Variants in IMMP2L observed in about 807,000 individuals in gnomAD.
IMMP2L encodes the protein mitochondrial inner membrane protease subunit 2.
A neutral mutation model predicts 19.3 loss-of-function variants in IMMP2L; 18 were observed. The observed-to-expected ratio is 0.93, with a 90% CI of 0.64 to 1.38. The LOEUF (loss-of-function observed/expected upper bound fraction) is 1.38. IMMP2L is among the 40% of genes most tolerant of loss of function. The probability of loss-of-function intolerance (pLI) is 0.00; values close to 1 mark genes in which losing one functional copy is unlikely to be tolerated. For synonymous variants in IMMP2L, 76 were observed against 73.0 expected (o/e 1.04, Z -0.21); for missense variants, 233 against 218.2 (o/e 1.07, Z -0.43).
intron 5 of IMMP2L, among the ~76,000 whole-genome samples, chr7:110,792,118 T>A (rs7787197): frequency 0.82 from 123,669 of 151,668 alleles, 51,548 homozygotes; most frequent in East Asian, 0.9. Flanking sequence ...ATTCCTTATA[T>A]ACATGAATGA....
intron 3 of IMMP2L, among the ~76,000 whole-genome samples, chr7:111,205,203 A>G (rs1472593241): frequency 7.2e-5 from 11 of 152,306 alleles, no homozygotes; most frequent in Non-Finnish European, 1.3e-4. Flanking sequence ...CACCTCTTTT[A>G]TAAGGTCACT....
chr7:111,184,848 G>A (rs962600215), intron 3 of IMMP2L, among the ~76,000 whole-genome samples: 1 of 151,866 alleles, frequency 6.6e-6, no homozygotes, highest in African/African-American at 2.4e-5. Context: ...AAACCACTAC[G>A]TCACCCAACC....
chr7:110,684,219 G>T (rs1469294211), intron 5 of IMMP2L, among the ~76,000 whole-genome samples: 1 of 152,042 alleles, frequency 6.6e-6, no homozygotes, highest in African/African-American at 2.4e-5. Context: ...CTACTTGAGA[G>T]CAGTTTATTT....
intron 3 of IMMP2L, among the ~76,000 whole-genome samples, chr7:111,330,255 G>A (rs996227231): frequency 6.6e-6 from 1 of 151,536 alleles, no homozygotes; most frequent in Non-Finnish European, 1.5e-5. Context: ...AATGCAATAA[G>A]AGACACTGGA....
intron 5 of IMMP2L, among the ~76,000 whole-genome samples, chr7:110,686,917 T>C (rs1793157127): frequency 6.6e-6 from 1 of 152,098 alleles, no homozygotes; most frequent in Admixed American, 6.6e-5. Flanking sequence ...CATTCTTCAC[T>C]TTCTACTAAT....
chr7:111,185,073 T>C (rs1305791372), intron 3 of IMMP2L, among the ~76,000 whole-genome samples: 1 of 152,314 alleles, frequency 6.6e-6, no homozygotes, highest in Admixed American at 6.5e-5. Flanking sequence ...CATCACTGAA[T>C]GGAAGCAGTC....
chr7:110,739,846 A>G (rs777143258), intron 5 of IMMP2L, among the ~76,000 whole-genome samples: 3 of 152,160 alleles, frequency 2.0e-5, no homozygotes, highest in Non-Finnish European at 4.4e-5. Flanking sequence ...AAGAAAATCA[A>G]AATTATATCA....
At chr7:110,805,619 T>C (rs1801580834) in intron 5 of IMMP2L, among the ~76,000 whole-genome samples, 1 of 152,026 alleles carries the variant, frequency 6.6e-6, no homozygotes, top group South Asian at 2.1e-4. Context: ...ACTGATTAAA[T>C]TCAAGATTTA....
chr7:111,078,779 G>A (rs1431660686), intron 3 of IMMP2L, among the ~76,000 whole-genome samples: 1 of 151,974 alleles, frequency 6.6e-6, no homozygotes, highest in African/African-American at 2.4e-5. Context: ...CACCCAGCCT[G>A]AAGTGCAATG....
intron 3 of IMMP2L, among the ~76,000 whole-genome samples, chr7:111,376,377 G>A (rs1342793429): frequency 6.6e-6 from 1 of 152,026 alleles, no homozygotes; most frequent in Non-Finnish European, 1.5e-5. Flanking sequence ...CTACTAGGAT[G>A]GCTACAATCA....
At chr7:111,384,441 G>C (rs1831536105) in intron 3 of IMMP2L, among the ~76,000 whole-genome samples, 2 of 152,094 alleles carry the variant, frequency 1.3e-5, no homozygotes, top group Admixed American at 6.6e-5. Context: ...TGAGTACATT[G>C]TCAAGGTTGG....
intron 3 of IMMP2L, among the ~76,000 whole-genome samples, chr7:111,087,160 T>C (rs912037707): frequency 1.7e-4 from 26 of 152,104 alleles, no homozygotes; most frequent in African/African-American, 6.0e-4. Flanking sequence ...GGTAAAAATA[T>C]CTATCTTTGC....
chr7:110,733,877 A>G (rs1479897655), intron 5 of IMMP2L, among the ~76,000 whole-genome samples: 4 of 152,082 alleles, frequency 2.6e-5, no homozygotes, highest in Non-Finnish European at 4.4e-5. Flanking sequence ...CCATCTATGA[A>G]GCAGAGGGCA....
At chr7:111,300,084 T>C (rs934011345) in intron 3 of IMMP2L, among the ~76,000 whole-genome samples, 2 of 152,214 alleles carry the variant, frequency 1.3e-5, no homozygotes, top group African/African-American at 4.8e-5. Flanking sequence ...GTTAAGAGGT[T>C]CTTAGTTGAG....
At chr7:111,399,677 T>C (rs565797409) in intron 3 of IMMP2L, among the ~76,000 whole-genome samples, 1 of 152,254 alleles carries the variant, frequency 6.6e-6, no homozygotes, top group East Asian at 1.9e-4. Context: ...TAATGCATTA[T>C]TATTAATGTA....
At chr7:110,726,103 T>C (rs1192235015) in intron 5 of IMMP2L, among the ~76,000 whole-genome samples, 3 of 152,186 alleles carry the variant, frequency 2.0e-5, no homozygotes, top group Non-Finnish European at 4.4e-5. Flanking sequence ...CCGGACTCTG[T>C]GCATAACTCC....
chr7:111,143,424 C>A (rs771235340), intron 3 of IMMP2L, among the ~76,000 whole-genome samples: 22 of 152,102 alleles, frequency 1.4e-4, no homozygotes, highest in Admixed American at 7.2e-4. Flanking sequence ...TCCATAACAA[C>A]AGGTGTTATC....
At chr7:110,895,958 A>G (rs1286754040) in intron 4 of IMMP2L, among the ~76,000 whole-genome samples, 1 of 151,956 alleles carries the variant, frequency 6.6e-6, no homozygotes, top group East Asian at 1.9e-4. Context: ...TTTTGCTGGG[A>G]CTACAGGTGT....
At chr7:111,407,234 C>T (rs575988618) in intron 3 of IMMP2L, among the ~76,000 whole-genome samples, 3 of 152,020 alleles carry the variant, frequency 2.0e-5, no homozygotes, top group East Asian at 1.9e-4. Context: ...ACAGCAGCTC[C>T]GGAAAACAGG....
Sources: gnomAD v4.1 joint callset for allele counts (sites outside exome capture counted in the v4.1 genomes callset) on GRCh38, gnomAD v4.1.1 for gene constraint, MANE v1.5 for transcripts, NCBI Gene and HGNC (gene_info 2026-07-23, HGNC 2026-07-21) for gene names.